MAGI1: variants seen among roughly 807,000 people sequenced by gnomAD.
The protein encoded by MAGI1 is membrane-associated guanylate kinase, WW and PDZ domain-containing protein 1.
Under a neutral mutation model 139.9 loss-of-function variants are expected in MAGI1, and 58 were observed. The observed-to-expected ratio is 0.41, with a 90% CI of 0.34 to 0.52. The LOEUF is 0.52. Ranked by LOEUF, MAGI1 falls within the 20% of genes least tolerant of loss-of-function variation. The probability of loss-of-function intolerance (pLI) is 0.12; values close to 1 mark genes in which losing one functional copy is unlikely to be tolerated. For synonymous variants in MAGI1, 812 were observed against 737.9 expected, an observed-to-expected ratio of 1.10 and a Z score of -1.63; for missense variants, 1,874 against 1,901.6, an observed-to-expected ratio of 0.99 and a Z score of 0.27.
intron 1 of MAGI1, among the ~76,000 whole-genome samples, chr3:65,638,787 A>C (rs2084803017): frequency 6.6e-6 from 1 of 151,202 alleles, no homozygotes. Flanking sequence ...TTATATTTTT[A>C]GTAGAGACGG....
chr3:65,613,344 ATGT>A (rs1214010090), intron 2 of MAGI1, among the ~76,000 whole-genome samples: 1 of 152,182 alleles, frequency 6.6e-6, no homozygotes, highest in Non-Finnish European at 1.5e-5. Flanking sequence ...TTAATGACAG[ATGT>A]TATTATTAAG....
intron 1 of MAGI1, among the ~76,000 whole-genome samples, chr3:65,813,882 C>T (rs2041437272): frequency 1.3e-5 from 2 of 152,114 alleles, no homozygotes; most frequent in African/African-American, 4.8e-5. Context: ...CTCAATGAGT[C>T]TCTCGGACAT....
At chr3:65,632,974 C>T (rs1349320030) in intron 1 of MAGI1, among the ~76,000 whole-genome samples, 1 of 152,070 alleles carries the variant, frequency 6.6e-6, no homozygotes, top group South Asian at 2.1e-4. Context: ...AGCAGCAATA[C>T]CCAGAAACTT....
chr3:65,886,534 C>T (rs748736512), intron 1 of MAGI1, among the ~76,000 whole-genome samples: 4 of 152,290 alleles, frequency 2.6e-5, no homozygotes, highest in South Asian at 4.2e-4. Flanking sequence ...TATGGCCACA[C>T]GAGCAAGGTC....
intron 22 of MAGI1, 115 bp downstream of exon 22, chr3:65,361,084 C>G: frequency 6.3e-7 from 1 of 1,596,738 alleles, no homozygotes; most frequent in South Asian, 1.1e-5. Context: ...GTGCGAGAGG[C>G]TGGTAAGACA....
intron 1 of MAGI1, among the ~76,000 whole-genome samples, chr3:65,701,251 TC>T (rs1412973537): frequency 6.6e-6 from 1 of 152,208 alleles, no homozygotes; most frequent in African/African-American, 2.4e-5. Context: ...CTAACTTGAT[TC>T]CAAGTAGCTT....
chr3:65,841,214 C>A (rs1366458793), intron 1 of MAGI1, among the ~76,000 whole-genome samples: 1 of 151,798 alleles, frequency 6.6e-6, no homozygotes, highest in Non-Finnish European at 1.5e-5. Context: ...TTTTATTGAA[C>A]TTTTCAAAGA....
intron 1 of MAGI1, among the ~76,000 whole-genome samples, chr3:65,948,745 A>G (rs575349952): frequency 6.6e-6 from 1 of 152,246 alleles, no homozygotes; most frequent in Admixed American, 6.5e-5. Context: ...CACAGACTTA[A>G]AAAGCTATAT....
chr3:65,929,836 G>C (rs1236785532), intron 1 of MAGI1, among the ~76,000 whole-genome samples: 1 of 152,092 alleles, frequency 6.6e-6, no homozygotes, highest in Non-Finnish European at 1.5e-5. Context: ...TACACCAAAG[G>C]CCTGTGGAAT....
intron 1 of MAGI1, among the ~76,000 whole-genome samples, chr3:65,699,625 C>G (rs1228630807): frequency 2.0e-5 from 3 of 148,318 alleles, no homozygotes; most frequent in Non-Finnish European, 4.5e-5. Flanking sequence ...ACTATCGCAA[C>G]AACAAAAAAC....
intron 18 of MAGI1, among the ~76,000 whole-genome samples, chr3:65,365,879 CTATAATA>C (rs1038598728): frequency 1.3e-5 from 2 of 152,238 alleles, no homozygotes; most frequent in South Asian, 2.1e-4. Flanking sequence ...ACTGAGATAC[CTATAATA>C]TATATCTTTC....
At chr3:65,401,837 T>G in intron 12 of MAGI1, 1 of 1,259,930 alleles carries the variant, frequency 7.9e-7, no homozygotes, top group Non-Finnish European at 1.0e-6. Context: ...GGTTATTTCC[T>G]TTCCACACGA....
At chr3:65,654,926 A>G (rs2085788608) in intron 1 of MAGI1, among the ~76,000 whole-genome samples, 1 of 152,224 alleles carries the variant, frequency 6.6e-6, no homozygotes, top group Non-Finnish European at 1.5e-5. Flanking sequence ...TAGATTGCCT[A>G]TGGAGCGATT....
At chr3:65,951,145 G>T (rs1203762713) in intron 1 of MAGI1, among the ~76,000 whole-genome samples, 2 of 152,186 alleles carry the variant, frequency 1.3e-5, no homozygotes, top group Non-Finnish European at 2.9e-5. Context: ...ATGAATTTAT[G>T]TTGGGCCGCA....
At chr3:65,845,541 C>A (rs1575684222) in intron 1 of MAGI1, among the ~76,000 whole-genome samples, 2 of 152,220 alleles carry the variant, frequency 1.3e-5, no homozygotes, top group Admixed American at 6.5e-5. Flanking sequence ...CCTATTGCTA[C>A]ATTTTTCATC....
At chr3:65,831,790 C>T (rs1292060541) in intron 1 of MAGI1, among the ~76,000 whole-genome samples, 2 of 152,124 alleles carry the variant, frequency 1.3e-5, no homozygotes, top group East Asian at 1.9e-4. Flanking sequence ...AATACATTTG[C>T]TTTAAAGAGA....
intron 2 of MAGI1, among the ~76,000 whole-genome samples, chr3:65,551,905 A>T (rs552324529): frequency 6.6e-6 from 1 of 152,348 alleles, no homozygotes; most frequent in East Asian, 1.9e-4. Flanking sequence ...TCACCAAAGC[A>T]AAGCTGGTAC....
intron 2 of MAGI1, among the ~76,000 whole-genome samples, 165 bp downstream of exon 2, chr3:65,621,807 A>C (rs1242079346): frequency 6.6e-6 from 1 of 152,132 alleles, no homozygotes; most frequent in Non-Finnish European, 1.5e-5. Flanking sequence ...CAGGCACACC[A>C]CGACACTGTT....
chr3:65,504,576 T>G (rs1216559513), intron 2 of MAGI1, among the ~76,000 whole-genome samples: 1 of 152,060 alleles, frequency 6.6e-6, no homozygotes, highest in Non-Finnish European at 1.5e-5. Flanking sequence ...GATAAACTAG[T>G]GGAGGAGCGA....
Sources: gnomAD v4.1 joint callset for allele counts (sites outside exome capture counted in the v4.1 genomes callset) on GRCh38, gnomAD v4.1.1 for gene constraint, MANE v1.5 for transcripts, NCBI Gene and HGNC (gene_info 2026-07-23, HGNC 2026-07-21) for gene names.